The following TRPM5 variants were observed in gnomAD, a reference collection of about 807,000 sequenced individuals.
The protein encoded by TRPM5 is transient receptor potential cation channel subfamily M member 5.
Under a neutral mutation model 124.9 loss-of-function variants are expected in TRPM5, and 121 were observed. That is an observed-to-expected ratio of 0.97 (90% confidence interval 0.84 to 1.13). The LOEUF (loss-of-function observed/expected upper bound fraction) is 1.13. Among genes scored for constraint, TRPM5 ranks in the 50% most tolerant of loss-of-function variants. The probability of loss-of-function intolerance (pLI) is 0.00; values close to 1 mark genes in which losing one functional copy is unlikely to be tolerated. For synonymous variants in TRPM5, 781 were observed against 700.5 expected (o/e 1.11, Z -1.81); for missense variants, 1,643 against 1,589.1 (o/e 1.03, Z -0.58).
chr11:2,422,210 G>A, exon 2 of TRPM5: 1 of 1,612,448 alleles, frequency 6.2e-7, no homozygotes, highest in African/African-American at 1.3e-5. Context: ...ATGGCGAAAG[G>A]CTGCTCCTCA....
At chr11:2,404,408 A>C (rs2133491757), downstream of TRPM5, 1 of 153,698 alleles carries the variant, frequency 6.5e-6, no homozygotes, top group South Asian at 2.0e-4. Context: ...TGTCAGGGGG[A>C]CAGCTGACAG....
rs150839711 is a variant in TRPM5 at position 2,417,892 on chromosome 11, G to A, written c.907-63C>T. 3.7e-4 allele frequency: 528 copies of A among 1,442,564 alleles called. No homozygotes were observed. The East Asian group carries it at 5.8e-3, about 16-fold the overall frequency. 89.4% of individuals were successfully genotyped at this position (1,442,564 alleles called of 1,614,324 possible). On this transcript the variant is annotated intron_variant, in intron 6 of 23. Transcript: ENST00000155858. ...GCCAGGACGGGGGCAGAGGCAGGCC[G>A]TGGTAGACACCAGCGTAGGCACAGG...
At chr11:2,406,072 A>G in exon 22 of TRPM5, 1 of 1,612,140 alleles carries the variant, frequency 6.2e-7, no homozygotes, top group East Asian at 2.2e-5. Context: ...CCCCCGAGGT[A>G]CTTGGCAATG....
the TRPM5 span, among the ~76,000 whole-genome samples, chr11:2,435,954 G>T: frequency 6.6e-6 from 1 of 152,236 alleles, no homozygotes; most frequent in East Asian, 1.9e-4. The surrounding 1 kb of genome is among the most constrained non-coding windows in gnomAD (Gnocchi z 4.1). Context: ...AGCCATGGGG[G>T]ATTGGCCAGA....
intron 2 of TRPM5, among the ~76,000 whole-genome samples, chr11:2,421,715 TGGC>T (rs1052626562): frequency 5.9e-5 from 9 of 152,206 alleles, no homozygotes; most frequent in Admixed American, 1.3e-4. Flanking sequence ...CCCCTGCAGC[TGGC>T]GGCCCGACTG....
chr11:2,431,319 G>A, the TRPM5 span, among the ~76,000 whole-genome samples: 1 of 152,102 alleles, frequency 6.6e-6, no homozygotes, highest in Non-Finnish European at 1.5e-5. Flanking sequence ...GGGCAAGGCG[G>A]AGGGTCCACT....
rs146096992 is a variant in TRPM5 at position 2,411,514 on chromosome 11, A to C, written c.2620T>G (p.Phe874Val). The C allele has an allele frequency of 1.6e-4, 261 of 1,608,780 alleles. No homozygotes were observed. The highest frequency in any genetic ancestry group is 5.5e-4 in the Admixed American group (33 of 59,882). The stretch of plus-strand genomic sequence containing the variant: ...ACGCTCAGAAAGAAGAGGAAGAAGA[A>C]GACGTCCTTCATCTCCACGGGGCAG... Residue 874 changes from phenylalanine (F) to valine (V), a missense_variant, in exon 18 of 24, where the codon TTC (phenylalanine) becomes GTC (valine). Phe to Val is a conservative substitution (Grantham distance 50). Transcript: ENST00000155858.
intron 18 of TRPM5, among the ~76,000 whole-genome samples, chr11:2,411,108 G>C (rs1022255635): frequency 2.6e-5 from 4 of 152,256 alleles, no homozygotes; most frequent in Non-Finnish European, 5.9e-5. Flanking sequence ...CTCCTTCCCA[G>C]CCCAAGGCCC....
At chr11:2,412,498 T>A (rs891925572) in intron 15 of TRPM5, among the ~76,000 whole-genome samples, 1 of 152,224 alleles carries the variant, frequency 6.6e-6, no homozygotes, top group Non-Finnish European at 1.5e-5. Context: ...TTATGCAGTG[T>A]CTGGACTCAG....
At chr11:2,414,260 C>T (rs1413289929) in intron 11 of TRPM5, 54 bp from the exon 17 acceptor site, 3 of 1,557,592 alleles carry the variant, frequency 1.9e-6, no homozygotes, top group African/African-American at 1.3e-5. Flanking sequence ...CGGCCCGGCC[C>T]CCGACGCCCC....
In TRPM5 at chr11:2,416,041, C is replaced by A. The variant is rs538900131; in HGVS notation, c.1010-17G>T. ...TCTTGCAGGCTGTGGGCAGAGCAGG[C>A]AGGCACTGGTGAGGGTGGAGCTGAG... On this transcript the variant is annotated splice_polypyrimidine_tract_variant and intron_variant, in intron 7 of 23. Coordinates refer to ENST00000155858, the Ensembl canonical transcript of TRPM5. 138 of 1,582,206 alleles carry A rather than the reference C, an allele frequency of 8.7e-5. 1 individual carries two copies. The South Asian group carries it at 1.0e-3, about 12-fold the overall frequency.
At chr11:2,413,734 TG>T (rs1195643776) in intron 12 of TRPM5, 146 bp from the exon 18 acceptor site, 1 of 793,200 alleles carries the variant, frequency 1.3e-6, no homozygotes, top group African/African-American at 1.7e-5. Flanking sequence ...GCCCCCGTCC[TG>T]GTGGGCATGT....
exon 21 of TRPM5, chr11:2,406,683 C>A: frequency 6.2e-7 from 1 of 1,612,732 alleles, no homozygotes. Context: ...TTCCGCAGCA[C>A]CTCCCCCTCG....
rs776685515 is a variant in TRPM5 at position 2,406,109 on chromosome 11, G to A, written c.3252-18C>T. 6.2e-7 allele frequency: 1 copy of A among 1,610,188 alleles called. No homozygotes were observed. The highest frequency in any genetic ancestry group is 1.1e-5 in the South Asian group (1 of 91,082). The stretch of plus-strand genomic sequence containing the variant: ...AGTCCACTCTGCGGCAGGAGCAGGT[G>A]GTCAGGCTGTGGATGGCCACGCGGT... On this transcript the variant is annotated intron_variant, in intron 21 of 23. Coordinates refer to ENST00000155858, the Ensembl canonical transcript of TRPM5.
At chr11:2,439,839 C>T in the TRPM5 span, among the ~76,000 whole-genome samples, 28 of 152,222 alleles carry the variant, frequency 1.8e-4, no homozygotes, top group Non-Finnish European at 3.2e-4. Context: ...GATACATATA[C>T]AAAAGAAAAA....
At chr11:2,430,665 A>G in the TRPM5 span, among the ~76,000 whole-genome samples, 8 of 126,988 alleles carry the variant, frequency 6.3e-5, no homozygotes, top group South Asian at 2.7e-4. Flanking sequence ...GACAGTGTTG[A>G]TGGTGGTGGT....
chr11:2,431,616 T>C, the TRPM5 span, among the ~76,000 whole-genome samples: 1 of 152,084 alleles, frequency 6.6e-6, no homozygotes, highest in Non-Finnish European at 1.5e-5. Flanking sequence ...CCTATTACCC[T>C]GACAATAAAA....
At chr11:2,440,857 G>A in the TRPM5 span, among the ~76,000 whole-genome samples, 231 of 152,162 alleles carry the variant, frequency 1.5e-3, no homozygotes, top group African/African-American at 5.3e-3. This position sits in a 1 kb window ranked among gnomAD's most constrained non-coding sequence, Gnocchi z 5.2. Flanking sequence ...GCCCTGGCCC[G>A]CAGATGCTGA....
intron 12 of TRPM5, 53 bp downstream of exon 17, chr11:2,414,008 C>T (rs1181680662): frequency 3.9e-5 from 41 of 1,038,792 alleles, no homozygotes; most frequent in African/African-American, 3.9e-4. Context: ...GGGCCCAGCT[C>T]GCCCGCCCAC....
Sources: gnomAD v4.1 joint callset for allele counts (sites outside exome capture counted in the v4.1 genomes callset) on GRCh38, gnomAD v4.1.1 for gene constraint, Gnocchi (gnomAD v3.1) non-coding constraint, MANE v1.5 for transcripts, NCBI Gene and HGNC (gene_info 2026-07-23, HGNC 2026-07-21) for gene names.